Variants in TTLL11 observed in about 807,000 individuals in gnomAD.
TTLL11 encodes the protein tubulin tyrosine ligase like 11.
TTLL11 carries 42 observed loss-of-function variants against 51.7 expected under a neutral mutation model. The observed-to-expected ratio is 0.81, with a 90% CI of 0.64 to 1.05. TTLL11 has a LOEUF of 1.05. Ranked by LOEUF, TTLL11 falls within the 50% of genes least tolerant of loss-of-function variation. TTLL11 has a pLI of 0.00. For synonymous variants in TTLL11, 381 were observed against 383.5 expected (o/e 0.99, Z 0.08); for missense variants, 799 against 940.4 (o/e 0.85, Z 1.97).
chr9:122,086,917 T>G (rs1008463881), intron 1 of TTLL11, among the ~76,000 whole-genome samples: 4 of 152,246 alleles, frequency 2.6e-5, no homozygotes, highest in Admixed American at 6.5e-5. Context: ...CCACCTCAGT[T>G]TCTTCTGCTG....
intron 6 of TTLL11, among the ~76,000 whole-genome samples, chr9:121,969,322 C>A (rs550509852): frequency 6.6e-6 from 1 of 152,204 alleles, no homozygotes; most frequent in Admixed American, 6.5e-5. Context: ...AAGGCACCCT[C>A]GAATATGCCA....
chr9:121,994,728 G>A lies in TTLL11; in HGVS notation c.694-4958C>T, dbSNP rs148899788. Among the ~76,000 whole-genome samples the A allele has an allele frequency of 8.0e-3, 1,214 of 152,272 alleles. 17 individuals are homozygous for A. Among genetic ancestry groups the A allele is most frequent in the African/African-American group, 0.028 (1,162 of 41,546 alleles). ...TTGAGCAATGTCCTAAAATGATGGG[G>A]ACTCCCTGAAAGGTTTTGAGAAGAA... On this transcript the variant is annotated intron_variant, in intron 3 of 8. Transcript: ENST00000321582.
At chr9:121,837,157 A>G (rs1464451786) in intron 8 of TTLL11, among the ~76,000 whole-genome samples, 1 of 152,088 alleles carries the variant, frequency 6.6e-6, no homozygotes, top group Non-Finnish European at 1.5e-5. Flanking sequence ...ATGAGTTTCT[A>G]AAATCCTTCC....
At chr9:121,889,568 T>G (rs1478039982) in intron 6 of TTLL11, among the ~76,000 whole-genome samples, 1 of 152,122 alleles carries the variant, frequency 6.6e-6, no homozygotes, top group African/African-American at 2.4e-5. Flanking sequence ...CCACTCTACT[T>G]TCTGACTCTA....
At chr9:121,841,473 G>C (rs1046532511) in intron 8 of TTLL11, among the ~76,000 whole-genome samples, 1 of 152,142 alleles carries the variant, frequency 6.6e-6, no homozygotes. Context: ...TCCTCCCTTC[G>C]CAGATGTGAT....
intron 3 of TTLL11, among the ~76,000 whole-genome samples, chr9:122,016,364 G>T (rs1160401241): frequency 2.6e-5 from 4 of 152,176 alleles, no homozygotes; most frequent in Non-Finnish European, 5.9e-5. Context: ...GGCGTGTGCA[G>T]GAGTTTAAAC....
intron 8 of TTLL11, among the ~76,000 whole-genome samples, chr9:121,859,343 A>AT (rs1837933153): frequency 3.3e-5 from 5 of 150,574 alleles, no homozygotes; most frequent in Admixed American, 2.0e-4. Context: ...AAAAAAAAAA[A>AT]ATACAAAATT....
At chr9:121,856,676 T>C (rs149681791) in intron 8 of TTLL11, among the ~76,000 whole-genome samples, 62 of 152,314 alleles carry the variant, frequency 4.1e-4, no homozygotes, top group African/African-American at 1.3e-3. Context: ...ACGTGTTCTT[T>C]GAGCGTGAGA....
intron 6 of TTLL11, among the ~76,000 whole-genome samples, chr9:121,953,530 G>A (rs1408565034): frequency 6.6e-6 from 1 of 151,596 alleles, no homozygotes; most frequent in East Asian, 1.9e-4. Flanking sequence ...TACTCAGGAG[G>A]CTGAGGCATA....
chr9:122,050,884 C>T (rs1481002127), intron 1 of TTLL11, among the ~76,000 whole-genome samples: 1 of 152,060 alleles, frequency 6.6e-6, no homozygotes, highest in Non-Finnish European at 1.5e-5. Context: ...CGGCTCTGCC[C>T]AACAGCTTGA....
Position 122,087,320 on chromosome 9 carries a change from G to A in TTLL11, c.462+5367C>T, listed in dbSNP as rs191978050. 1.2e-3 allele frequency among the ~76,000 whole-genome samples: 179 copies of A among 151,878 alleles called. 1 individual carries two copies. The highest frequency in any genetic ancestry group is 4.1e-3 in the African/African-American group (168 of 41,422). On this transcript the variant is annotated intron_variant, in intron 1 of 8. Coordinates refer to ENST00000321582, the MANE Select transcript of TTLL11 (RefSeq NM_001139442.2). ...CGCCTCCCGGGTTCAAGCAATTCTC[G>A]TGCCTCAGCCTCTCAATACAATTTT...
At position 121,969,906 on chromosome 9, in the gene TTLL11, T is replaced by G. The variant is rs187526106; in HGVS notation, c.1481+4103A>C. On this transcript the variant is annotated intron_variant, in intron 6 of 8. Coordinates refer to ENST00000321582, the MANE Select transcript of TTLL11 (RefSeq NM_001139442.2). Reference sequence around the variant, plus strand: ...CTACGCAAAGGAGTTGAGAATAATTTCAGCCTTTTCCTCTGCATGGTAAGT... The same window carrying G: ...CTACGCAAAGGAGTTGAGAATAATTGCAGCCTTTTCCTCTGCATGGTAAGT... 1.2e-3 allele frequency among the ~76,000 whole-genome samples: 176 copies of G among 152,374 alleles called. 1 individual carries two copies. The highest frequency in any genetic ancestry group is 1.8e-3 in the Non-Finnish European group (120 of 68,036).
chr9:122,019,370 G>T (rs188961587), intron 3 of TTLL11, among the ~76,000 whole-genome samples: 37 of 152,156 alleles, frequency 2.4e-4, no homozygotes, highest in Non-Finnish European at 4.9e-4. Context: ...CTTGATAAGC[G>T]CTTTACCTTG....
Position 121,989,668 on chromosome 9 carries a change from T to C in TTLL11, c.796A>G (p.Ser266Gly), listed in dbSNP as rs545645894. Residue 266 changes from serine to glycine, a missense_variant, in exon 4 of 9, where the codon AGT becomes GGT. Ser to Gly is a moderately conservative substitution (Grantham distance 56). Transcript: ENST00000321582. The surrounding 1 kb of genome is among the most constrained non-coding windows in gnomAD (Gnocchi z 4.2). ...AGGGTCCCTGCCAGGCGGATGTCAC[T>C]GGGGTCTTTAATGAGGTAGATTCCA... is the stretch of plus-strand genomic sequence containing the variant. ...GDGIYLIKDPSDIRLAGTLQS... is the reference protein window; with the variant it reads ...GDGIYLIKDPGDIRLAGTLQS... 1 of 1,614,138 alleles carries C rather than the reference T, an allele frequency of 6.2e-7. No individual in the cohort carries two copies. The highest frequency in any genetic ancestry group is 1.1e-5 in the South Asian group (1 of 91,066).
chr9:122,046,367 C>G (rs1398716498), intron 1 of TTLL11, among the ~76,000 whole-genome samples: 3 of 152,282 alleles, frequency 2.0e-5, no homozygotes, highest in East Asian at 3.9e-4. Flanking sequence ...TTTCCTGAGG[C>G]CTCCAGAGCC....
At chr9:121,866,035 G>GT (rs1262323794) in intron 7 of TTLL11, among the ~76,000 whole-genome samples, 1 of 152,216 alleles carries the variant, frequency 6.6e-6, no homozygotes, top group Non-Finnish European at 1.5e-5. Context: ...GAGAGAGAGA[G>GT]TGGGTAGAAC....
chr9:121,881,729 C>T (rs769131268), intron 6 of TTLL11, among the ~76,000 whole-genome samples: 6 of 152,342 alleles, frequency 3.9e-5, no homozygotes, highest in South Asian at 2.1e-4. Flanking sequence ...GCAGATCCCA[C>T]AGACCTTTCT....
At chr9:122,069,557 C>T in intron 1 of TTLL11, among the ~76,000 whole-genome samples, 1 of 152,196 alleles carries the variant, frequency 6.6e-6, no homozygotes, top group East Asian at 1.9e-4. Flanking sequence ...TGGAGCATCC[C>T]TGTAGTCCCA....
At chr9:122,076,487 A>G (rs574142386) in intron 1 of TTLL11, among the ~76,000 whole-genome samples, 2 of 152,290 alleles carry the variant, frequency 1.3e-5, no homozygotes, top group East Asian at 3.9e-4. Context: ...TAAAAGGAAT[A>G]AGTCTCTGCT....
Sources: allele counts gnomAD v4.1 joint callset (sites outside exome capture counted in the v4.1 genomes callset), GRCh38; gene constraint gnomAD v4.1.1; non-coding constraint Gnocchi (gnomAD v3.1); transcripts MANE v1.5; gene names NCBI Gene and HGNC (gene_info 2026-07-23, HGNC 2026-07-21).